The following NBAS variants were observed in gnomAD, a reference collection of about 807,000 sequenced individuals.
NBAS encodes NBAS subunit of NRZ tethering complex, also known as NAG/BC035112 fusion.
NBAS carries 219 observed loss-of-function variants against 302.5 expected under a neutral mutation model. The observed-to-expected ratio is 0.72, with a 90% CI of 0.65 to 0.81. The LOEUF is 0.81. Ranked by LOEUF, NBAS falls within the 30% of genes least tolerant of loss-of-function variation. The pLI is 0.00. For missense variants in NBAS, 2,932 were observed against 2,841.6 expected (o/e 1.03, Z -0.72); for synonymous variants, 1,118 against 1,021.6 (o/e 1.09, Z -1.80).
At chr2:15,553,576 T>C (rs1664483328) in intron 4 of NBAS, 103 bp from the exon 5 acceptor site, 4 of 1,068,354 alleles carry the variant, frequency 3.7e-6, no homozygotes, top group Non-Finnish European at 5.7e-6. Context: ...CATTTTTAAA[T>C]TTGTTCACAT....
chr2:14,869,905 C>T, the NBAS span, among the ~76,000 whole-genome samples: 1 of 152,172 alleles, frequency 6.6e-6, no homozygotes, highest in Non-Finnish European at 1.5e-5. Flanking sequence ...CCCTATGGGA[C>T]TTTCATCACA....
At chr2:15,329,814 A>G (rs1287189666) in intron 36 of NBAS, among the ~76,000 whole-genome samples, 2 of 152,084 alleles carry the variant, frequency 1.3e-5, no homozygotes, top group Non-Finnish European at 2.9e-5. Flanking sequence ...TGAAAAACCT[A>G]ACTTCTCTAT....
chr2:14,960,898 T>C, the NBAS span, among the ~76,000 whole-genome samples: 1 of 152,236 alleles, frequency 6.6e-6, no homozygotes, highest in African/African-American at 2.4e-5. Flanking sequence ...TGCTGTATAT[T>C]GTTGTGTTTG....
At chr2:14,957,710 G>T in the NBAS span, among the ~76,000 whole-genome samples, 1 of 152,222 alleles carries the variant, frequency 6.6e-6, no homozygotes, top group South Asian at 2.1e-4. Flanking sequence ...GGCTCCAGCC[G>T]TCAGCCCTGC....
rs527360880 is a variant in NBAS, at chr2:15,521,286, T to C, written c.747-9936A>G. The stretch of plus-strand genomic sequence containing the variant: ...TGATTCGTTGGTCACCCTGAAGAGA[T>C]GTGACCAAAGAAACACTGGTGAAAT... On this transcript the variant is annotated intron_variant, in intron 9 of 51. Coordinates refer to ENST00000281513, the MANE Select transcript of NBAS (RefSeq NM_015909.4). 1.1e-3 allele frequency among the ~76,000 whole-genome samples: 169 copies of C among 152,320 alleles called. 1 individual carries two copies. The highest frequency in any genetic ancestry group is 1.1e-3 in the Non-Finnish European group (75 of 68,030).
chr2:15,085,161 G>A, the NBAS span, among the ~76,000 whole-genome samples: 1 of 152,200 alleles, frequency 6.6e-6, no homozygotes. Context: ...GCCCGGGGTG[G>A]TGCCACACTT....
chr2:15,176,166 G>T (rs537740108), intron 51 of NBAS, among the ~76,000 whole-genome samples: 3 of 152,186 alleles, frequency 2.0e-5, no homozygotes, highest in Admixed American at 6.5e-5. Flanking sequence ...ACAGCTAGAC[G>T]TGAGTCGGGC....
At chr2:15,065,151 G>A in the NBAS span, among the ~76,000 whole-genome samples, 1 of 151,898 alleles carries the variant, frequency 6.6e-6, no homozygotes, top group Admixed American at 6.6e-5. Context: ...ATTCTTTCAC[G>A]ATATATACAT....
At chr2:15,515,893 C>G (rs943009409) in intron 9 of NBAS, among the ~76,000 whole-genome samples, 5 of 152,054 alleles carry the variant, frequency 3.3e-5, no homozygotes, top group Non-Finnish European at 7.4e-5. Flanking sequence ...TTAGGAAGCA[C>G]AGAGTGAAGA....
chr2:14,873,194 C>T, the NBAS span, among the ~76,000 whole-genome samples: 2 of 152,166 alleles, frequency 1.3e-5, no homozygotes, highest in African/African-American at 4.8e-5. Flanking sequence ...CTGATTGGTC[C>T]ATTTTCACAG....
intron 33 of NBAS, among the ~76,000 whole-genome samples, chr2:15,354,764 G>A (rs894230064): frequency 1.4e-4 from 21 of 152,190 alleles, no homozygotes; most frequent in Non-Finnish European, 2.1e-4. Context: ...TTGGCCCCCA[G>A]CCTTGCTAGG....
chr2:15,193,567 C>A (rs1665465375), intron 48 of NBAS, among the ~76,000 whole-genome samples: 2 of 152,096 alleles, frequency 1.3e-5, no homozygotes, highest in Admixed American at 6.5e-5. Context: ...ATATTATCTT[C>A]TTTATTACAT....
At chr2:14,895,649 A>G in the NBAS span, among the ~76,000 whole-genome samples, 3 of 151,862 alleles carry the variant, frequency 2.0e-5, no homozygotes, top group Non-Finnish European at 4.4e-5. Context: ...CTGAGGCAGG[A>G]GAATGGCGTG....
chr2:14,798,160 C>T, the NBAS span, among the ~76,000 whole-genome samples: 1 of 152,118 alleles, frequency 6.6e-6, no homozygotes, highest in Non-Finnish European at 1.5e-5. Context: ...TGGACATGGC[C>T]TTGTTTCTTA....
In NBAS at chr2:15,167,180, C is replaced by T. The variant is rs1179477781; in HGVS notation, c.6984G>A (p.Glu2328=). The part of the protein sequence containing the change: ...ASLQQGRWDA[E]ELGRHLREAG... Reference sequence around the variant, plus strand: ...CCTCCCGCAGGTGTCTGCCCAGCTCCTCTGCATCCCAGCGCCCTTGCTGGA... The same window carrying T: ...CCTCCCGCAGGTGTCTGCCCAGCTCTTCTGCATCCCAGCGCCCTTGCTGGA... The change falls in exon 52 of 52, where the codon GAG becomes GAA. Residue 2328 remains glutamate (E), a synonymous_variant. Coordinates refer to ENST00000281513, the MANE Select transcript of NBAS (RefSeq NM_015909.4). 1.1e-5 allele frequency: 18 copies of T among 1,614,268 alleles called. No homozygotes were observed. Among genetic ancestry groups the T allele is most frequent in the Non-Finnish European group, 1.5e-5 (18 of 1,180,050 alleles).
At chr2:15,543,144 T>C (rs1180740290) in intron 6 of NBAS, among the ~76,000 whole-genome samples, 1 of 152,232 alleles carries the variant, frequency 6.6e-6, no homozygotes, top group African/African-American at 2.4e-5. Flanking sequence ...AATTGACAAC[T>C]GACACATGCA....
the NBAS span, among the ~76,000 whole-genome samples, chr2:14,887,399 C>CAA: frequency 4.7e-3 from 400 of 84,604 alleles, 11 homozygotes; most frequent in African/African-American, 0.016. Context: ...TGAGACTCCT[C>CAA]AAAAAAAAAA....
chr2:14,966,492 T>C, the NBAS span, among the ~76,000 whole-genome samples: 1 of 152,210 alleles, frequency 6.6e-6, no homozygotes, highest in Non-Finnish European at 1.5e-5. Context: ...CAGCTGCTGA[T>C]ACTAAAAGTC....
intron 51 of NBAS, among the ~76,000 whole-genome samples, chr2:15,169,675 A>T (rs1425186094): frequency 6.6e-6 from 1 of 152,130 alleles, no homozygotes; most frequent in African/African-American, 2.4e-5. Flanking sequence ...TCCCTCCAGA[A>T]CACAAGTTCC....
Sources: gnomAD v4.1 joint callset for allele counts (sites outside exome capture counted in the v4.1 genomes callset) on GRCh38, gnomAD v4.1.1 for gene constraint, MANE v1.5 for transcripts, NCBI Gene and HGNC (gene_info 2026-07-23, HGNC 2026-07-21) for gene names.